The following ATP8A1 variants were observed in gnomAD, a reference collection of about 807,000 sequenced individuals.
The protein encoded by ATP8A1 is phospholipid-transporting ATPase IA.
Under a neutral mutation model 177.7 loss-of-function variants are expected in ATP8A1, and 90 were observed. The ratio of observed to expected loss-of-function variants is 0.51; its 90% CI spans 0.43 to 0.60. The LOEUF (loss-of-function observed/expected upper bound fraction) is 0.60, where lower values mean the gene tolerates loss of function less well. ATP8A1 is among the 20% of genes least tolerant of loss of function. The pLI is 0.00. For synonymous variants in ATP8A1, 493 were observed against 485.9 expected (o/e 1.01, Z -0.19); for missense variants, 1,072 against 1,392.8 (o/e 0.77, Z 3.67).
At chr4:42,429,266 G>C (rs936302485) in intron 33 of ATP8A1, among the ~76,000 whole-genome samples, 4 of 152,118 alleles carry the variant, frequency 2.6e-5, no homozygotes, top group African/African-American at 9.7e-5. Context: ...TTCTGTTGAA[G>C]GTTGACGAGT....
chr4:42,574,012 T>A (rs1013366514), intron 14 of ATP8A1, among the ~76,000 whole-genome samples: 3 of 152,224 alleles, frequency 2.0e-5, no homozygotes, highest in African/African-American at 7.2e-5. Flanking sequence ...AAGAGAAGGC[T>A]ATGGAACAGC....
intron 23 of ATP8A1, among the ~76,000 whole-genome samples, chr4:42,504,199 G>A (rs1374259606): frequency 1.3e-5 from 2 of 152,144 alleles, no homozygotes; most frequent in African/African-American, 2.4e-5. Context: ...TCATCTAAAT[G>A]TTGACCATTT....
At chr4:42,586,327 T>C in intron 9 of ATP8A1, 22 bp downstream of exon 9, 1 of 1,612,716 alleles carries the variant, frequency 6.2e-7, no homozygotes, top group Non-Finnish European at 8.5e-7. Context: ...TCTGTGTTTT[T>C]ATAAAGACGG....
rs1050544633 is a variant in ATP8A1, at chr4:42,556,086, C to T, written c.1341-46G>A. The T allele has an allele frequency of 1.9e-5, 25 of 1,329,608 alleles. 1 individual carries two copies. The highest frequency in any genetic ancestry group is 3.7e-4 in the Middle Eastern group (2 of 5,474). The allele number at this position is 1,329,608 out of a possible 1,614,324, so 82.4% of individuals were successfully genotyped here. A position where few individuals can be genotyped will look rare whatever the true frequency, so the allele number is the denominator to read the frequency against. On this transcript the variant is annotated intron_variant, in intron 15 of 36. Coordinates refer to ENST00000381668, the MANE Select transcript of ATP8A1 (RefSeq NM_006095.2). ...AGTAAACCCAGTTCATTTATACCAGCCCACTGATCTATTTGTTAATGTACT... is the reference window on the plus strand; with the variant it reads ...AGTAAACCCAGTTCATTTATACCAGTCCACTGATCTATTTGTTAATGTACT...
intron 22 of ATP8A1, among the ~76,000 whole-genome samples, chr4:42,521,194 G>C (rs542363042): frequency 6.6e-6 from 1 of 152,224 alleles, no homozygotes; most frequent in Non-Finnish European, 1.5e-5. Context: ...ATACAAACAT[G>C]AGTGCTATTG....
At chr4:42,481,075 C>T (rs2153188134) in intron 25 of ATP8A1, among the ~76,000 whole-genome samples, 2 of 152,276 alleles carry the variant, frequency 1.3e-5, no homozygotes, top group South Asian at 4.1e-4. Flanking sequence ...CTGATGAGGA[C>T]CTCAGAAACC....
Position 42,616,053 on chromosome 4 carries a change from A to C in ATP8A1, c.389T>G (p.Val130Gly). 1 of 1,612,254 alleles carries C rather than the reference A, an allele frequency of 6.2e-7. No homozygotes were observed. Among genetic ancestry groups the C allele is most frequent in the Admixed American group, 1.7e-5 (1 of 59,744 alleles). Reference sequence around the variant, plus strand: ...CCTACCTTGCGTTTGTTTCTTGTTCACTGCATTATCAGCTTTATGTCGTTT... The same window carrying C: ...CCTACCTTGCGTTTGTTTCTTGTTCCCTGCATTATCAGCTTTATGTCGTTT... ...DIKRHKADNA[V>G]NKKQTQVLRN... The change falls in exon 5 of 37, where the codon GTG (valine) becomes GGG (glycine). Residue 130 changes from valine (V) to glycine (G), a missense_variant. Val to Gly is a moderately radical substitution (Grantham distance 109). Transcript: ENST00000381668.
At chr4:42,421,814 A>C (rs1322200941) in intron 35 of ATP8A1, among the ~76,000 whole-genome samples, 2 of 152,194 alleles carry the variant, frequency 1.3e-5, no homozygotes, top group African/African-American at 4.8e-5. Flanking sequence ...AAATGAAGAA[A>C]AAAAATAAAT....
chr4:42,465,020 A>G lies in ATP8A1; in HGVS notation c.2381T>C (p.Val794Ala). ...VVEMVKKQVK[V>A]VTLAIGDGAN... ...TCCATCACCGATTGCAAGCGTTACG[A>G]CTTTGACTTGTTTCTTAACCATCTC... Residue 794 changes from valine to alanine, a missense_variant, in exon 26 of 37, where the codon GTC becomes GCC. Around this residue, in one of 5 missense-constraint regions of ATP8A1, gnomAD observed 316 missense variants for 459.1 expected, o/e 0.69. Transcript: ENST00000381668. 6.2e-7 allele frequency: 1 copy of G among 1,614,174 alleles called. No homozygotes were observed. Among genetic ancestry groups the G allele is most frequent in the Non-Finnish European group, 8.5e-7 (1 of 1,180,022 alleles).
chr4:42,505,595 A>G (rs192283366), intron 23 of ATP8A1, among the ~76,000 whole-genome samples: 2 of 152,346 alleles, frequency 1.3e-5, no homozygotes, highest in Admixed American at 1.3e-4. Context: ...TGTGGTTTGT[A>G]AAGTTCTACT....
chr4:42,446,044 C>T (rs201992872), intron 31 of ATP8A1, among the ~76,000 whole-genome samples: 1 of 134,132 alleles, frequency 7.5e-6, no homozygotes, highest in East Asian at 2.4e-4. Context: ...CATGCCACTG[C>T]ACTCCAGCCT....
chr4:42,473,519 C>T (rs923815069), intron 25 of ATP8A1, among the ~76,000 whole-genome samples: 3 of 152,182 alleles, frequency 2.0e-5, no homozygotes, highest in African/African-American at 7.2e-5. Flanking sequence ...TGAGCTTGGT[C>T]TCAGAGTGGC....
rs776322988 is a variant in ATP8A1 at position 42,578,407 on chromosome 4, G to A, written c.1001-20C>T. 1.9e-6 allele frequency: 3 copies of A among 1,604,658 alleles called. No homozygotes were observed. The highest frequency in any genetic ancestry group is 1.3e-5 in the African/African-American group (1 of 74,378). ...CACCATCTGTTGGGAGAGGCAGGAA[G>A]AACGTCATTTACAGTTTTATATTTT... On this transcript the variant is annotated intron_variant, in intron 11 of 36. Coordinates refer to ENST00000381668, the MANE Select transcript of ATP8A1 (RefSeq NM_006095.2).
chr4:42,514,341 C>T (rs1725305525), intron 22 of ATP8A1, among the ~76,000 whole-genome samples: 1 of 152,086 alleles, frequency 6.6e-6, no homozygotes, highest in African/African-American at 2.4e-5. Context: ...GACAGCAATA[C>T]CCAGGGTGGA....
chr4:42,523,031 C>G (rs1435799293), intron 21 of ATP8A1, among the ~76,000 whole-genome samples: 1 of 152,162 alleles, frequency 6.6e-6, no homozygotes, highest in Non-Finnish European at 1.5e-5. Flanking sequence ...CCACCTTCCT[C>G]TTACTAGGAT....
chr4:42,476,371 G>C (rs965200754), intron 25 of ATP8A1, among the ~76,000 whole-genome samples: 1 of 152,138 alleles, frequency 6.6e-6, no homozygotes, highest in Non-Finnish European at 1.5e-5. Flanking sequence ...CCAGCACTTT[G>C]GGAGGCTGAG....
chr4:42,526,618 T>G (rs1389789976), intron 20 of ATP8A1, among the ~76,000 whole-genome samples: 1 of 152,190 alleles, frequency 6.6e-6, no homozygotes, highest in Admixed American at 6.6e-5. Context: ...GTTTTGGAAC[T>G]CAGACTGGCT....
At chr4:42,589,255 A>T in intron 7 of ATP8A1, among the ~76,000 whole-genome samples, 1 of 152,346 alleles carries the variant, frequency 6.6e-6, no homozygotes, top group Admixed American at 6.5e-5. Flanking sequence ...TTCTAATCTA[A>T]TTAATGCTTG....
At chr4:42,522,330 C>T in intron 21 of ATP8A1, 31 bp from the exon 22 acceptor site, 1 of 1,600,292 alleles carries the variant, frequency 6.2e-7, no homozygotes. Context: ...CACCCCAACA[C>T]ACCAAAGATT....
Sources: gnomAD v4.1 joint callset for allele counts (sites outside exome capture counted in the v4.1 genomes callset) on GRCh38, gnomAD v4.1.1 for gene constraint, gnomAD v4.1.1 regional missense constraint, MANE v1.5 for transcripts, NCBI Gene and HGNC (gene_info 2026-07-23, HGNC 2026-07-21) for gene names.